The following PEBP4 variants were observed in gnomAD, a reference collection of about 807,000 sequenced individuals.
PEBP4 encodes the protein phosphatidylethanolamine-binding protein 4.
PEBP4 carries 22 observed loss-of-function variants against 23.9 expected under a neutral mutation model. The observed-to-expected ratio is 0.92, with a 90% CI of 0.66 to 1.31. The LOEUF (loss-of-function observed/expected upper bound fraction) is 1.31. Among genes scored for constraint, PEBP4 ranks in the 40% most tolerant of loss-of-function variants. The pLI, the probability that PEBP4 is intolerant of heterozygous loss-of-function variation, is 0.00. For synonymous variants in PEBP4, 112 were observed against 99.3 expected (o/e 1.13, Z -0.76); for missense variants, 324 against 281.7 (o/e 1.15, Z -1.07).
chr8:22,802,351 G>T (rs1806401873), intron 4 of PEBP4, among the ~76,000 whole-genome samples: 1 of 152,174 alleles, frequency 6.6e-6, no homozygotes, highest in African/African-American at 2.4e-5. Flanking sequence ...CTCTCACCCG[G>T]CACTCCTGGA....
intron 3 of PEBP4, among the ~76,000 whole-genome samples, chr8:22,918,484 A>C (rs1048842982): frequency 2.0e-5 from 3 of 152,172 alleles, no homozygotes; most frequent in Non-Finnish European, 2.9e-5. Context: ...AAGCCAGGGC[A>C]ACGAAACCAA....
chr8:22,902,096 A>G (rs2128777008), intron 3 of PEBP4, among the ~76,000 whole-genome samples: 1 of 152,322 alleles, frequency 6.6e-6, no homozygotes, highest in Admixed American at 6.5e-5. Context: ...AGGCGGGTGG[A>G]TCACCTGAGG....
intron 4 of PEBP4, among the ~76,000 whole-genome samples, chr8:22,786,547 G>A (rs1480104735): frequency 6.6e-6 from 1 of 152,074 alleles, no homozygotes; most frequent in African/African-American, 2.4e-5. Context: ...GCCTCCCAAA[G>A]TGCTGAGATT....
intron 4 of PEBP4, among the ~76,000 whole-genome samples, chr8:22,756,254 G>A (rs926745843): frequency 6.6e-5 from 10 of 152,220 alleles, no homozygotes; most frequent in Non-Finnish European, 1.5e-4. Context: ...CAGGGCTGGA[G>A]CAGGACTGGG....
chr8:22,807,860 C>T (rs1324346093), intron 4 of PEBP4, among the ~76,000 whole-genome samples: 4 of 147,690 alleles, frequency 2.7e-5, no homozygotes, highest in Non-Finnish European at 6.0e-5. Flanking sequence ...ACCCACCCAC[C>T]TACCCAACCT....
intron 1 of PEBP4, among the ~76,000 whole-genome samples, chr8:22,934,571 A>T (rs1156539561): frequency 6.6e-6 from 1 of 152,238 alleles, no homozygotes; most frequent in Non-Finnish European, 1.5e-5. Context: ...ATGCAGTGGC[A>T]CATGCCTGTA....
chr8:22,908,079 G>A (rs1349197888), intron 3 of PEBP4, among the ~76,000 whole-genome samples: 2 of 152,042 alleles, frequency 1.3e-5, no homozygotes, highest in Admixed American at 1.3e-4. Flanking sequence ...GACTGAAGTT[G>A]CTCTTGACCA....
intron 3 of PEBP4, among the ~76,000 whole-genome samples, chr8:22,910,708 A>G (rs1808919455): frequency 6.6e-6 from 1 of 152,246 alleles, no homozygotes; most frequent in Non-Finnish European, 1.5e-5. Flanking sequence ...TATTAATTTG[A>G]AAAGACTACA....
intron 4 of PEBP4, among the ~76,000 whole-genome samples, chr8:22,810,419 C>A (rs1806593454): frequency 1.3e-5 from 2 of 152,150 alleles, no homozygotes; most frequent in South Asian, 4.1e-4. Context: ...TTCTCCCTCT[C>A]CCCTCCCCCA....
At chr8:22,756,297 G>A (rs1364249376) in intron 4 of PEBP4, among the ~76,000 whole-genome samples, 1 of 152,196 alleles carries the variant, frequency 6.6e-6, no homozygotes, top group Non-Finnish European at 1.5e-5. Flanking sequence ...CTCTGCCCCT[G>A]GGCTCCCAGG....
At chr8:22,791,281 C>G (rs185195784) in intron 4 of PEBP4, among the ~76,000 whole-genome samples, 39 of 152,072 alleles carry the variant, frequency 2.6e-4, no homozygotes, top group Non-Finnish European at 4.9e-4. Context: ...ATCTTGTCTC[C>G]GGTCCTGCAG....
chr8:22,908,995 A>G lies in PEBP4; in HGVS notation c.258+11189T>C, dbSNP rs534520580. On this transcript the variant is annotated intron_variant, in intron 3 of 6. Coordinates refer to ENST00000256404, the MANE Select transcript of PEBP4 (RefSeq NM_144962.3). ...ATTTCCACAACCAAGTGGCAAAGAG[A>G]GATAGGGCAGGGGTTGCAGAGAGAG... Among the ~76,000 whole-genome samples the G allele has an allele frequency of 3.9e-5, 6 of 152,242 alleles. No individual in the cohort carries two copies. In the East Asian group the frequency reaches 7.7e-4, roughly 20 times the overall value.
At chr8:22,833,467 G>C (rs753840713) in intron 3 of PEBP4, among the ~76,000 whole-genome samples, 4 of 152,186 alleles carry the variant, frequency 2.6e-5, no homozygotes, top group Non-Finnish European at 5.9e-5. Context: ...GAGTAGCTGG[G>C]ATTACAGGTG....
chr8:22,825,155 T>C (rs1806940141), intron 3 of PEBP4, among the ~76,000 whole-genome samples: 1 of 152,214 alleles, frequency 6.6e-6, no homozygotes. Flanking sequence ...TTAGCAAATG[T>C]TTGGCAGATG....
chr8:22,848,351 G>A (rs13439137), intron 3 of PEBP4, among the ~76,000 whole-genome samples: 3,149 of 152,242 alleles, frequency 0.021, 103 homozygotes, highest in African/African-American at 0.072. Flanking sequence ...TTGTCTGCCT[G>A]CCGAGAGTGG....
At chr8:22,886,447 G>A (rs1808377623) in intron 3 of PEBP4, 1 of 152,226 alleles carries the variant, frequency 6.6e-6, no homozygotes, top group Non-Finnish European at 1.5e-5. Flanking sequence ...TCTTTAAAAT[G>A]CAGCTGAAAA....
At chr8:22,914,246 T>G (rs1396771871) in intron 3 of PEBP4, among the ~76,000 whole-genome samples, 1 of 152,076 alleles carries the variant, frequency 6.6e-6, no homozygotes, top group African/African-American at 2.4e-5. Flanking sequence ...CCTCCCAAAG[T>G]GCTGGGATTA....
chr8:22,906,837 A>T (rs149068201), intron 3 of PEBP4, among the ~76,000 whole-genome samples: 1 of 152,246 alleles, frequency 6.6e-6, no homozygotes, highest in Non-Finnish European at 1.5e-5. Context: ...CATGGAGCTT[A>T]CATTCTAGCT....
At chr8:22,861,887 G>A (rs1419206521) in intron 3 of PEBP4, among the ~76,000 whole-genome samples, 1 of 152,170 alleles carries the variant, frequency 6.6e-6, no homozygotes, top group East Asian at 1.9e-4. Flanking sequence ...GCGCTTTAGC[G>A]ATAAGATCTT....
Sources: gnomAD v4.1 joint callset for allele counts (sites outside exome capture counted in the v4.1 genomes callset) on GRCh38, gnomAD v4.1.1 for gene constraint, MANE v1.5 for transcripts, NCBI Gene and HGNC (gene_info 2026-07-23, HGNC 2026-07-21) for gene names.